Variants in CDH18 observed in about 807,000 individuals in gnomAD.
CDH18 encodes cadherin 18.
CDH18 carries 31 observed loss-of-function variants against 67.9 expected under a neutral mutation model. That is an observed-to-expected ratio of 0.46 (90% confidence interval 0.34 to 0.62). The LOEUF (loss-of-function observed/expected upper bound fraction) is 0.62, where lower values mean the gene tolerates loss of function less well. Ranked by LOEUF, CDH18 falls within the 20% of genes least tolerant of loss-of-function variation. The pLI, the probability that CDH18 is intolerant of heterozygous loss-of-function variation, is 0.01. For missense variants in CDH18, 890 were observed against 975.5 expected (o/e 0.91, Z 1.17); for synonymous variants, 362 against 347.2 (o/e 1.04, Z -0.48).
intron 5 of CDH18, among the ~76,000 whole-genome samples, chr5:19,695,581 T>C (rs1283845088): frequency 6.6e-6 from 1 of 152,190 alleles, no homozygotes; most frequent in Non-Finnish European, 1.5e-5. Context: ...CAATTATTGT[T>C]TCAAAGTTCG....
intron 2 of CDH18, among the ~76,000 whole-genome samples, chr5:19,881,500 C>G (rs10071091): frequency 0.5 from 73,900 of 148,968 alleles, 18,400 homozygotes; most frequent in Middle Eastern, 0.66. Flanking sequence ...CCCAGCTCTT[C>G]AAGTGCTTTT....
At chr5:19,761,158 G>A (rs1772289194) in intron 3 of CDH18, among the ~76,000 whole-genome samples, 1 of 152,106 alleles carries the variant, frequency 6.6e-6, no homozygotes, top group South Asian at 2.1e-4. Flanking sequence ...CATGATAAGA[G>A]CTTATGTCTG....
chr5:19,525,966 T>A (rs1036511458), intron 9 of CDH18, among the ~76,000 whole-genome samples: 2 of 152,166 alleles, frequency 1.3e-5, no homozygotes, highest in African/African-American at 4.8e-5. Flanking sequence ...ACAATTTTCA[T>A]ATTCTTTTGA....
intron 5 of CDH18, among the ~76,000 whole-genome samples, chr5:19,625,269 C>T (rs1379383576): frequency 2.0e-5 from 3 of 151,968 alleles, no homozygotes; most frequent in Non-Finnish European, 2.9e-5. Context: ...ATTGCCATTA[C>T]ATTAATTTCT....
At chr5:19,704,662 A>C (rs1276338659) in intron 5 of CDH18, among the ~76,000 whole-genome samples, 1 of 152,210 alleles carries the variant, frequency 6.6e-6, no homozygotes, top group East Asian at 1.9e-4. Context: ...TGGTTAACAG[A>C]TAAGCCAATT....
chr5:19,648,685 G>T (rs1455287474), intron 5 of CDH18, among the ~76,000 whole-genome samples: 2 of 151,962 alleles, frequency 1.3e-5, no homozygotes, highest in African/African-American at 4.8e-5. Flanking sequence ...ATAATCAGGT[G>T]TTGATTTCCA....
chr5:19,579,896 C>A (rs1226505396), intron 7 of CDH18, among the ~76,000 whole-genome samples: 3 of 149,282 alleles, frequency 2.0e-5, no homozygotes, highest in African/African-American at 7.4e-5. Flanking sequence ...ATCCTTCAAT[C>A]CACCCCCCCC....
chr5:19,489,506 C>CA (rs1741021924), intron 11 of CDH18, among the ~76,000 whole-genome samples: 1 of 152,042 alleles, frequency 6.6e-6, no homozygotes, highest in Non-Finnish European at 1.5e-5. Flanking sequence ...CTTGGCCTCC[C>CA]ATAGTGCTGG....
intron 6 of CDH18, among the ~76,000 whole-genome samples, chr5:19,605,208 T>C (rs907313135): frequency 6.6e-6 from 1 of 151,876 alleles, no homozygotes; most frequent in African/African-American, 2.4e-5. Context: ...GAGAGCTCCA[T>C]ATAATTTCAA....
At chr5:20,177,800 A>T (rs1737358825) in intron 2 of CDH18, among the ~76,000 whole-genome samples, 1 of 151,972 alleles carries the variant, frequency 6.6e-6, no homozygotes, top group African/African-American at 2.4e-5. Context: ...ATGAAATCTG[A>T]TGGTTTGACA....
rs142151206 is a variant in CDH18, at chr5:19,980,559, C to G, written c.-257+501G>C. ...AAGTCCATCTTCCCAGGCTTCAAGA[C>G]AGTCACTCACCGGAGCTTCCTCCTC... On this transcript the variant is annotated intron_variant, in intron 2 of 12. Coordinates refer to ENST00000382275, the MANE Select transcript of CDH18 (RefSeq NM_004934.5). 5.0e-4 allele frequency among the ~76,000 whole-genome samples: 76 copies of G among 152,240 alleles called. 3 individuals carry two copies. The East Asian group carries it at 0.014, about 28-fold the overall frequency.
intron 3 of CDH18, among the ~76,000 whole-genome samples, chr5:19,781,653 G>T (rs1328678114): frequency 6.6e-6 from 1 of 152,040 alleles, no homozygotes; most frequent in African/African-American, 2.4e-5. Context: ...ATTATTAAAT[G>T]ATTTGGTATT....
chr5:19,722,711 A>C (rs1766267918), intron 4 of CDH18, among the ~76,000 whole-genome samples: 1 of 151,964 alleles, frequency 6.6e-6, no homozygotes, highest in Non-Finnish European at 1.5e-5. Context: ...TACCTGATGA[A>C]TCATCTAATG....
chr5:20,293,843 A>T (rs1228362799), intron 1 of CDH18, among the ~76,000 whole-genome samples: 1 of 152,214 alleles, frequency 6.6e-6, no homozygotes, highest in Non-Finnish European at 1.5e-5. Flanking sequence ...ACCACAGGAA[A>T]CATTAAAACC....
chr5:20,285,163 A>T (rs1746590317), intron 1 of CDH18, among the ~76,000 whole-genome samples: 1 of 151,458 alleles, frequency 6.6e-6, no homozygotes, highest in Non-Finnish European at 1.5e-5. Flanking sequence ...ATTCCACCAT[A>T]ATTAATGTGA....
chr5:19,575,537 C>A (rs1214480963), intron 7 of CDH18, among the ~76,000 whole-genome samples: 2 of 152,236 alleles, frequency 1.3e-5, no homozygotes, highest in African/African-American at 4.8e-5. Flanking sequence ...ACTATCTGAG[C>A]ATTCCTGGAA....
At chr5:20,404,370 T>C (rs976682699) in intron 1 of CDH18, among the ~76,000 whole-genome samples, 5 of 152,214 alleles carry the variant, frequency 3.3e-5, no homozygotes, top group Non-Finnish European at 7.3e-5. Context: ...TAGCTTTGGG[T>C]CTGTCTTGTC....
chr5:20,514,773 TGAC>T (rs1755259694), intron 1 of CDH18, among the ~76,000 whole-genome samples: 1 of 152,150 alleles, frequency 6.6e-6, no homozygotes, highest in African/African-American at 2.4e-5. Context: ...AAGTTTAACA[TGAC>T]ATGTAAAAGG....
At chr5:20,273,220 C>T (rs773940110) in intron 1 of CDH18, among the ~76,000 whole-genome samples, 12 of 151,900 alleles carry the variant, frequency 7.9e-5, no homozygotes, top group Admixed American at 2.6e-4. Flanking sequence ...ACAGAAATAT[C>T]GGGACCTAGC....
Sources: gnomAD v4.1 joint callset for allele counts (sites outside exome capture counted in the v4.1 genomes callset) on GRCh38, gnomAD v4.1.1 for gene constraint, MANE v1.5 for transcripts, NCBI Gene and HGNC (gene_info 2026-07-23, HGNC 2026-07-21) for gene names.